TRPV4: variants seen among roughly 807,000 people sequenced by gnomAD.
The protein encoded by TRPV4 is transient receptor potential cation channel subfamily V member 4.
TRPV4 carries 58 observed loss-of-function variants against 84.1 expected under a neutral mutation model. The observed-to-expected ratio is 0.69, with a 90% CI of 0.56 to 0.86. The LOEUF is 0.86. Ranked by LOEUF, TRPV4 falls within the 40% of genes least tolerant of loss-of-function variation. The pLI is 0.00. For missense variants in TRPV4, 879 were observed against 1,181.1 expected (o/e 0.74, Z 3.75); for synonymous variants, 489 against 500.9 (o/e 0.98, Z 0.32).
chr12:109,831,014 C>T (rs1256186235), intron 1 of TRPV4, among the ~76,000 whole-genome samples: 4 of 152,186 alleles, frequency 2.6e-5, no homozygotes, highest in Non-Finnish European at 5.9e-5. Flanking sequence ...ATCTTTCCCA[C>T]TCTGCAGCCA....
intron 1 of TRPV4, among the ~76,000 whole-genome samples, chr12:109,820,594 C>G (rs1305922162): frequency 6.8e-6 from 1 of 146,034 alleles, no homozygotes. Context: ...CGCATCTCCA[C>G]TCACTGCAAG....
chr12:109,814,083 A>T lies in TRPV4; in HGVS notation c.386+328T>A, dbSNP rs562304523. ...ATATGGATGGATGATATATGGATGG[A>T]GAGATGAATGGATCGATGGATAGAT... is the stretch of plus-strand genomic sequence containing the variant. On this transcript the variant is annotated intron_variant, in intron 2 of 15. Transcript: ENST00000261740. This position sits in a 1 kb window ranked among gnomAD's most constrained non-coding sequence, Gnocchi z 5.4. 6.6e-6 allele frequency among the ~76,000 whole-genome samples: 1 copy of T among 151,208 alleles called. No homozygotes were observed. Among genetic ancestry groups the T allele is most frequent in the South Asian group, 2.1e-4 (1 of 4,798 alleles).
At chr12:109,816,266 C>A (rs1438415621) in intron 1 of TRPV4, among the ~76,000 whole-genome samples, 1 of 152,178 alleles carries the variant, frequency 6.6e-6, no homozygotes, top group Non-Finnish European at 1.5e-5. Flanking sequence ...CCTTTGGACA[C>A]CAAAAGGGAG....
In TRPV4 at chr12:109,796,062, A is replaced by G. The variant is rs1675682704; in HGVS notation, c.1332+463T>C. Reference sequence around the variant, plus strand: ...GCATAAGCCACCATGCCTGACCGAAAAAAAAGAGCTTTCAAAAGTTCATAT... The same window carrying G: ...GCATAAGCCACCATGCCTGACCGAAGAAAAAGAGCTTTCAAAAGTTCATAT... On this transcript the variant is annotated intron_variant, in intron 7 of 15. Coordinates refer to ENST00000261740, the MANE Select transcript of TRPV4 (RefSeq NM_021625.5). The surrounding 1 kb of genome is among the most constrained non-coding windows in gnomAD (Gnocchi z 4.2). Among the ~76,000 whole-genome samples the G allele has an allele frequency of 6.6e-6, 1 of 152,164 alleles. No individual in the cohort carries two copies. The highest frequency in any genetic ancestry group is 2.1e-4 in the South Asian group (1 of 4,830).
chr12:109,788,378 G>A, intron 13 of TRPV4, 22 bp downstream of exon 13: 1 of 1,607,070 alleles, frequency 6.2e-7, no homozygotes, highest in Non-Finnish European at 8.5e-7. Context: ...GTAGAGTGGG[G>A]CTGGGGGCCC....
In TRPV4 at chr12:109,793,626, A is replaced by T. The variant is rs1890180133; in HGVS notation, c.1585-26T>A. The T allele has an allele frequency of 1.9e-6, 3 of 1,598,822 alleles. No homozygotes were observed. The South Asian group carries it at 3.3e-5, about 18-fold the overall frequency. ...CTGGAAGACAGGAGGGGGCACGTGA[A>T]AGGGGTGGGGCCAGCAGGAGAGGAG... On this transcript the variant is annotated intron_variant, in intron 9 of 15. Coordinates refer to ENST00000261740, the MANE Select transcript of TRPV4 (RefSeq NM_021625.5). The surrounding 1 kb of genome is among the most constrained non-coding windows in gnomAD (Gnocchi z 4.0).
In TRPV4 at chr12:109,798,502, T is replaced by G; in HGVS notation, c.1152+112A>C. 1.1e-5 allele frequency: 14 copies of G among 1,327,864 alleles called. No individual in the cohort carries two copies. The highest frequency in any genetic ancestry group is 1.5e-5 in the Non-Finnish European group (14 of 956,472). 82.3% of individuals were successfully genotyped at this position (1,327,864 alleles called of 1,614,324 possible). On this transcript the variant is annotated intron_variant, in intron 6 of 15. Transcript: ENST00000261740. This position sits in a 1 kb window ranked among gnomAD's most constrained non-coding sequence, Gnocchi z 5.0. Reference sequence around the variant, plus strand: ...GGACATCTGCACACTGGGGTTGGCATGTTGGGAGGTGCATGCACGTATTAA... The same window carrying G: ...GGACATCTGCACACTGGGGTTGGCAGGTTGGGAGGTGCATGCACGTATTAA...
At chr12:109,829,010 C>G (rs1424096464) in intron 1 of TRPV4, among the ~76,000 whole-genome samples, 1 of 152,064 alleles carries the variant, frequency 6.6e-6, no homozygotes, top group South Asian at 2.1e-4. Flanking sequence ...CATAGTGAGA[C>G]CCCTGTCTGA....
intron 7 of TRPV4, 22 bp from the exon 8 acceptor site, chr12:109,794,509 G>C: frequency 6.2e-7 from 1 of 1,613,454 alleles, no homozygotes; most frequent in Non-Finnish European, 8.5e-7. Flanking sequence ...AGGGTGGTCG[G>C]GGGCTGCCTT....
At chr12:109,795,024 A>AC (rs1256627635) in intron 7 of TRPV4, among the ~76,000 whole-genome samples, 1 of 152,230 alleles carries the variant, frequency 6.6e-6, no homozygotes, top group Non-Finnish European at 1.5e-5. Flanking sequence ...ATCTCAAAAA[A>AC]GAAAAAAAGA....
chr12:109,788,616 C>T lies in TRPV4; in HGVS notation c.1992G>A (p.Glu664=). 1 of 1,614,242 alleles carries T rather than the reference C, an allele frequency of 6.2e-7. No homozygotes were observed. The highest frequency in any genetic ancestry group is 8.5e-7 in the Non-Finnish European group (1 of 1,180,042). Residue 664 remains glutamate, a synonymous_variant, in exon 13 of 16, where the codon GAG becomes GAA. Transcript: ENST00000261740. ...GGTCCAGGAGGAAGGTGCTGAAGGT[C>T]TCGCTGTCACGGCACGAGGGGTAAG... ...VPTYPSCRDS[E]TFSTFLLDLF...
rs2136664583 is a variant in TRPV4 at position 109,814,857 on chromosome 12, G to A, written c.-31-30C>T. 6.5e-7 allele frequency: 1 copy of A among 1,531,590 alleles called. No homozygotes were observed. 94.9% of individuals were successfully genotyped at this position (1,531,590 alleles called of 1,614,324 possible). ...AAGGGAATGAAAGGGGAGTCAGGCA[G>A]AACCCGGCCAGGGGCGGGGGCTCCA... On this transcript the variant is annotated intron_variant, in intron 1 of 15. Transcript: ENST00000261740. This position sits in a 1 kb window ranked among gnomAD's most constrained non-coding sequence, Gnocchi z 5.4.
chr12:109,805,869 A>G (rs1420516464), intron 3 of TRPV4, among the ~76,000 whole-genome samples: 1 of 152,104 alleles, frequency 6.6e-6, no homozygotes, highest in Non-Finnish European at 1.5e-5. Flanking sequence ...GAAGCCCCCA[A>G]CTCAGTCCTG....
At position 109,795,187 on chromosome 12, in the gene TRPV4, G is replaced by T. The variant is rs1160909671; in HGVS notation, c.1333-700C>A. ...GAAAGATTGAGAAATTTTGCCCAAA[G>T]ATGATAAATGATTGACTCACCACAA... On this transcript the variant is annotated intron_variant, in intron 7 of 15. Transcript: ENST00000261740. Among the ~76,000 whole-genome samples, 3 of 152,212 alleles carry T rather than the reference G, an allele frequency of 2.0e-5. No individual in the cohort carries two copies. The East Asian group carries it at 5.8e-4, about 29-fold the overall frequency.
chr12:109,794,220 C>T, intron 8 of TRPV4, 109 bp downstream of exon 8: 1 of 1,459,884 alleles, frequency 6.8e-7, no homozygotes, highest in Non-Finnish European at 9.4e-7. Context: ...GTTCCTAAAC[C>T]TTCTCCGGGT....
rs12301787 is a variant in TRPV4 at position 109,798,314 on chromosome 12, C to T, written c.1152+300G>A. 0.09 allele frequency among the ~76,000 whole-genome samples: 13,634 copies of T among 152,142 alleles called. 832 individuals are homozygous for T. Among genetic ancestry groups the T allele is most frequent in the African/African-American group, 0.17 (7,095 of 41,482 alleles). On this transcript the variant is annotated intron_variant, in intron 6 of 15. Coordinates refer to ENST00000261740, the MANE Select transcript of TRPV4 (RefSeq NM_021625.5). The surrounding 1 kb of genome is among the most constrained non-coding windows in gnomAD (Gnocchi z 5.0). ...TCAACAGGTTTGAGGCTGGGAGCAC[C>T]GCTGGGCTAGGGCCCGGGGACTCAG...
intron 4 of TRPV4, among the ~76,000 whole-genome samples, chr12:109,802,130 CTT>C (rs35214010): frequency 9.7e-4 from 130 of 134,174 alleles, no homozygotes; most frequent in Admixed American, 1.1e-3. Flanking sequence ...ATCTTGGAAT[CTT>C]TTTTTTTTTT....
intron 12 of TRPV4, 37 bp from the exon 13 acceptor site, chr12:109,788,753 G>A: frequency 6.2e-7 from 1 of 1,608,286 alleles, no homozygotes; most frequent in Non-Finnish European, 8.5e-7. Context: ...CTGAGTGTGA[G>A]CACACCCACA....
rs147208919 is a variant in TRPV4, at chr12:109,797,134, G to A, written c.1153-430C>T. 7.2e-3 allele frequency among the ~76,000 whole-genome samples: 1,097 copies of A among 152,228 alleles called. 2 individuals carry two copies. The highest frequency in any genetic ancestry group is 0.01 in the Non-Finnish European group (688 of 68,012). ...ACAGAGAGGGGTGGGAATTGCCCAAGGTCAGGCAATGTTAGGATTTTGGGG... is the reference window on the plus strand; with the variant it reads ...ACAGAGAGGGGTGGGAATTGCCCAAAGTCAGGCAATGTTAGGATTTTGGGG... On this transcript the variant is annotated intron_variant, in intron 6 of 15. Coordinates refer to ENST00000261740, the MANE Select transcript of TRPV4 (RefSeq NM_021625.5).
Sources: allele counts gnomAD v4.1 joint callset (sites outside exome capture counted in the v4.1 genomes callset), GRCh38; gene constraint gnomAD v4.1.1; non-coding constraint Gnocchi (gnomAD v3.1); transcripts MANE v1.5; gene names NCBI Gene and HGNC (gene_info 2026-07-23, HGNC 2026-07-21).